The following RNF220 variants were observed in gnomAD, a reference collection of about 807,000 sequenced individuals.
The protein encoded by RNF220 is ring finger protein 220.
A neutral mutation model predicts 67.1 loss-of-function variants in RNF220; 7 were observed. That is an observed-to-expected ratio of 0.10 (90% CI 0.06 to 0.20). The LOEUF (loss-of-function observed/expected upper bound fraction) is 0.20, where lower values mean the gene tolerates loss of function less well. Ranked by LOEUF, RNF220 falls within the 10% of genes least tolerant of loss-of-function variation. RNF220 has a pLI of 1.00. For missense variants in RNF220, 565 were observed against 740.3 expected (o/e 0.76, Z 2.75); for synonymous variants, 270 against 283.2 (o/e 0.95, Z 0.47).
intron 2 of RNF220, among the ~76,000 whole-genome samples, chr1:44,430,334 G>T (rs1018588678): frequency 2.6e-5 from 4 of 151,918 alleles, no homozygotes; most frequent in Non-Finnish European, 4.4e-5. Context: ...GCTGGAACAG[G>T]AAAAGGATAT....
At chr1:44,544,424 G>A (rs1661950273) in intron 2 of RNF220, among the ~76,000 whole-genome samples, 1 of 152,190 alleles carries the variant, frequency 6.6e-6, no homozygotes, top group African/African-American at 2.4e-5. Context: ...GGTAAAATGG[G>A]ACTAATACCA....
intron 2 of RNF220, among the ~76,000 whole-genome samples, chr1:44,491,405 G>A (rs905963976): frequency 2.0e-5 from 3 of 152,058 alleles, no homozygotes; most frequent in Admixed American, 1.3e-4. Context: ...CTGTGACCAC[G>A]TGGGATTAAC....
chr1:44,480,033 C>G (rs1282914447), intron 2 of RNF220, among the ~76,000 whole-genome samples: 1 of 152,188 alleles, frequency 6.6e-6, no homozygotes, highest in East Asian at 1.9e-4. Flanking sequence ...TCCTTGCTGC[C>G]CACTTGCCTA....
intron 2 of RNF220, among the ~76,000 whole-genome samples, chr1:44,550,336 G>C (rs555096706): frequency 3.3e-4 from 50 of 152,280 alleles, no homozygotes; most frequent in African/African-American, 1.1e-3. Context: ...TGGGGTTATG[G>C]AGACATCCCC....
rs986732510 is a variant in RNF220, at chr1:44,610,918, C to T, written c.626-3247C>T. 1.6e-4 allele frequency among the ~76,000 whole-genome samples: 24 copies of T among 152,096 alleles called. 2 individuals carry two copies. Among genetic ancestry groups the T allele is most frequent in the Admixed American group, 1.4e-3 (22 of 15,272 alleles). On this transcript the variant is annotated intron_variant, in intron 2 of 14. Transcript: ENST00000361799. ...GCCATCCCCAGCGGTTTTTATGGCC[C>T]GTTTTATGGCCACTGTAATGGCCCA...
chr1:44,512,278 T>C (rs1469721958), intron 2 of RNF220, among the ~76,000 whole-genome samples: 2 of 152,080 alleles, frequency 1.3e-5, no homozygotes, highest in Non-Finnish European at 2.9e-5. Context: ...TTCAGGAACC[T>C]GAAGAAGTCA....
chr1:44,515,691 A>G (rs1322710113), intron 2 of RNF220, among the ~76,000 whole-genome samples: 1 of 152,184 alleles, frequency 6.6e-6, no homozygotes, highest in Non-Finnish European at 1.5e-5. Context: ...CATTCCATCC[A>G]TGAAAATCAC....
chr1:44,575,177 C>T (rs893863087), intron 2 of RNF220, among the ~76,000 whole-genome samples: 2 of 152,176 alleles, frequency 1.3e-5, no homozygotes, highest in Non-Finnish European at 2.9e-5. Context: ...CTTCATCACA[C>T]GCACTCCCTG....
intron 2 of RNF220, among the ~76,000 whole-genome samples, chr1:44,479,536 G>A (rs925526416): frequency 1.3e-5 from 2 of 152,068 alleles, no homozygotes; most frequent in Non-Finnish European, 2.9e-5. Context: ...GGCTGCTGTA[G>A]AACCTTGCTC....
At chr1:44,422,733 T>G (rs141981298) in intron 2 of RNF220, among the ~76,000 whole-genome samples, 1 of 152,186 alleles carries the variant, frequency 6.6e-6, no homozygotes, top group African/African-American at 2.4e-5. Flanking sequence ...TAGTATTGAA[T>G]CCATCTTTGA....
chr1:44,541,229 A>G (rs1011198977), intron 2 of RNF220, among the ~76,000 whole-genome samples: 7 of 152,142 alleles, frequency 4.6e-5, no homozygotes, highest in Admixed American at 4.6e-4. Flanking sequence ...GGAGTTCAAG[A>G]CCATCCTGGC....
At chr1:44,560,348 A>C (rs188407701) in intron 2 of RNF220, among the ~76,000 whole-genome samples, 6,072 of 152,294 alleles carry the variant, frequency 0.04, 247 homozygotes, top group East Asian at 0.16. Flanking sequence ...AGGAAAAAAA[A>C]CAGCCACAAG....
At chr1:44,638,593 C>A (rs551396649) in intron 8 of RNF220, among the ~76,000 whole-genome samples, 1 of 152,338 alleles carries the variant, frequency 6.6e-6, no homozygotes, top group South Asian at 2.1e-4. Context: ...CCACCAGGCC[C>A]CTGGAGGTTG....
chr1:44,483,440 G>A (rs1486083150), intron 2 of RNF220, among the ~76,000 whole-genome samples: 1 of 152,172 alleles, frequency 6.6e-6, no homozygotes, highest in South Asian at 2.1e-4. Context: ...GTCAGGAAAG[G>A]GAGAAGTGCC....
chr1:44,572,590 T>C (rs1664517671), intron 2 of RNF220, among the ~76,000 whole-genome samples: 1 of 152,152 alleles, frequency 6.6e-6, no homozygotes, highest in Admixed American at 6.5e-5. Flanking sequence ...TACATTGCAA[T>C]ATCCTATTTA....
intron 2 of RNF220, among the ~76,000 whole-genome samples, chr1:44,418,239 G>A (rs1023841416): frequency 1.3e-5 from 2 of 152,158 alleles, no homozygotes; most frequent in African/African-American, 4.8e-5. Flanking sequence ...CGCGGGGAGG[G>A]TTCTGCCTGG....
chr1:44,482,066 G>T (rs1012227379), intron 2 of RNF220, among the ~76,000 whole-genome samples: 1 of 152,090 alleles, frequency 6.6e-6, no homozygotes, highest in Non-Finnish European at 1.5e-5. Flanking sequence ...GCAGTACTTG[G>T]GCCCCTTGAT....
At chr1:44,447,635 T>A (rs1652240777) in intron 2 of RNF220, among the ~76,000 whole-genome samples, 1 of 152,228 alleles carries the variant, frequency 6.6e-6, no homozygotes, top group Admixed American at 6.5e-5. Flanking sequence ...TGGAGATGAA[T>A]ATGTATCACA....
intron 2 of RNF220, among the ~76,000 whole-genome samples, chr1:44,520,307 CA>C (rs1038329603): frequency 6.0e-5 from 9 of 150,334 alleles, no homozygotes; most frequent in Non-Finnish European, 4.4e-5. Context: ...CTAAAAAATA[CA>C]AAAAAAAATT....
Sources: allele counts gnomAD v4.1 joint callset (sites outside exome capture counted in the v4.1 genomes callset), GRCh38; gene constraint gnomAD v4.1.1; transcripts MANE v1.5; gene names NCBI Gene and HGNC (gene_info 2026-07-23, HGNC 2026-07-21).